Variants in MGAT5B observed in about 807,000 individuals in gnomAD.
The protein encoded by MGAT5B is alpha-1,6-mannosylglycoprotein 6-beta-N-acetylglucosaminyltransferase B.
MGAT5B carries 54 observed loss-of-function variants against 95.1 expected under a neutral mutation model. The observed-to-expected ratio is 0.57, with a 90% CI of 0.46 to 0.71. The LOEUF (loss-of-function observed/expected upper bound fraction) is 0.71. Ranked by LOEUF, MGAT5B falls within the 30% of genes least tolerant of loss-of-function variation. MGAT5B has a pLI of 0.00. For synonymous variants in MGAT5B, 464 were observed against 451.0 expected, an observed-to-expected ratio of 1.03 and a Z score of -0.36; for missense variants, 935 against 1,088.6, an observed-to-expected ratio of 0.86 and a Z score of 1.99.
chr17:76,881,167 G>A (rs1029826064), intron 2 of MGAT5B, among the ~76,000 whole-genome samples: 1 of 152,164 alleles, frequency 6.6e-6, no homozygotes, highest in Non-Finnish European at 1.5e-5. Context: ...ACTCGCTCCC[G>A]CACACTGGCA....
intron 3 of MGAT5B, among the ~76,000 whole-genome samples, chr17:76,894,642 T>C (rs1968001321): frequency 6.6e-6 from 1 of 151,918 alleles, no homozygotes; most frequent in Admixed American, 6.6e-5. Flanking sequence ...GATCACAAGA[T>C]CAGGAGTTCA....
At chr17:76,890,778 C>T (rs1967833623) in intron 3 of MGAT5B, among the ~76,000 whole-genome samples, 1 of 152,140 alleles carries the variant, frequency 6.6e-6, no homozygotes, top group Admixed American at 6.5e-5. Flanking sequence ...ACTTGGATTA[C>T]AGGTGTGAGT....
At position 76,947,953 on chromosome 17, in the gene MGAT5B, TGGCCCCCCGCGCACGCCCTGCG is replaced by T; in HGVS notation, c.2052_2073del (p.Pro685GlyfsTer18). 6.2e-7 allele frequency: 1 copy of T among 1,612,454 alleles called. No homozygotes were observed. The highest frequency in any genetic ancestry group is 8.5e-7 in the Non-Finnish European group (1 of 1,179,250). On this transcript the variant is annotated frameshift_variant, in exon 17 of 18. Transcript: ENST00000569840. LOFTEE classifies it high-confidence loss of function. ...GAACACCAGCTTGGCTCCTGGGGCC[TGGCCCCCCGCGCACGCCCTGCG>T]GGCCTGGCTGGCCGTGCCTGGGAGG...
chr17:76,869,299 G>C lies in MGAT5B; in HGVS notation c.68+202G>C, dbSNP rs991547875. 2.0e-5 allele frequency among the ~76,000 whole-genome samples: 3 copies of C among 152,012 alleles called. No individual in the cohort carries two copies. The highest frequency in any genetic ancestry group is 6.5e-5 in the Admixed American group (1 of 15,268). ...GGATGGGGAGGGTTGTGTTATTCGG[G>C]GACCTGTCCCGAGTTGGGCAGGGTT... On this transcript the variant is annotated intron_variant, in intron 1 of 17. Transcript: ENST00000569840. The surrounding 1 kb of genome is among the most constrained non-coding windows in gnomAD (Gnocchi z 7.0).
At position 76,887,348 on chromosome 17, in the gene MGAT5B, T is replaced by C. The variant is rs720079; in HGVS notation, c.329+5050T>C. Among the ~76,000 whole-genome samples the C allele has an allele frequency of 4.8e-3, 727 of 152,144 alleles. 2 individuals carry two copies. The highest frequency in any genetic ancestry group is 7.7e-3 in the Admixed American group (118 of 15,274). On this transcript the variant is annotated intron_variant, in intron 3 of 17. Coordinates refer to ENST00000569840, the MANE Select transcript of MGAT5B (RefSeq NM_001199172.2). ...TCAGCAAATTCTCCCACCTTCAGAA[T>C]ACGCCTTAGAAGCCCACCTCTTCTC...
At chr17:76,913,759 C>G (rs759505982) in intron 8 of MGAT5B, 1 of 485,556 alleles carries the variant, frequency 2.1e-6, no homozygotes. Flanking sequence ...ATGTGGCCAG[C>G]AACACATTGC....
At chr17:76,943,628 G>GT (rs1969937161) in intron 15 of MGAT5B, among the ~76,000 whole-genome samples, 1 of 65,030 alleles carries the variant, frequency 1.5e-5, no homozygotes, top group African/African-American at 6.0e-5. Context: ...TGGGGTGGGG[G>GT]GGGGGTCTCA....
In MGAT5B at chr17:76,940,706, A is replaced by C. The variant is rs1185489556; in HGVS notation, c.1732-26A>C. ...TGTCCCACTGGCAGGCACGGGGGGCATCTGCAATCTCTGTACCCTTGCCAG... is the reference window on the plus strand; with the variant it reads ...TGTCCCACTGGCAGGCACGGGGGGCCTCTGCAATCTCTGTACCCTTGCCAG... On this transcript the variant is annotated intron_variant, in intron 14 of 17. Transcript: ENST00000569840. This position sits in a 1 kb window ranked among gnomAD's most constrained non-coding sequence, Gnocchi z 4.3. 1 of 1,610,638 alleles carries C rather than the reference A, an allele frequency of 6.2e-7. No homozygotes were observed. The highest frequency in any genetic ancestry group is 8.5e-7 in the Non-Finnish European group (1 of 1,177,104).
Position 76,940,323 on chromosome 17 carries a change from C to T in MGAT5B, c.1585-79C>T, listed in dbSNP as rs1428389694. 1.4e-6 allele frequency: 2 copies of T among 1,472,682 alleles called. No homozygotes were observed. Among genetic ancestry groups the T allele is most frequent in the African/African-American group, 1.4e-5 (1 of 70,682 alleles). 91.2% of individuals were successfully genotyped at this position (1,472,682 alleles called of 1,614,324 possible). A position where few individuals can be genotyped will look rare whatever the true frequency, so the allele number is the denominator to read the frequency against. On this transcript the variant is annotated intron_variant, in intron 13 of 17. Transcript: ENST00000569840. The surrounding 1 kb of genome is among the most constrained non-coding windows in gnomAD (Gnocchi z 4.3). ...CTCCTGTGAATATCCCGAAGCCTCA[C>T]CTTGTCCCCGGCATCCTGGTGCTTA... is the stretch of plus-strand genomic sequence containing the variant.
At chr17:76,931,895 C>T (rs138887561) in intron 10 of MGAT5B, among the ~76,000 whole-genome samples, 8 of 152,228 alleles carry the variant, frequency 5.3e-5, no homozygotes, top group African/African-American at 9.6e-5. Flanking sequence ...CTTGGGGCTC[C>T]AGGGACTGTG....
chr17:76,932,298 GATTTTTAA>G (rs897339265), intron 10 of MGAT5B, among the ~76,000 whole-genome samples: 15 of 151,992 alleles, frequency 9.9e-5, no homozygotes, highest in Admixed American at 7.9e-4. Flanking sequence ...ATGCCTGGCT[GATTTTTAA>G]ATTTTTAAAT....
chr17:76,891,228 C>T (rs1039382012), intron 3 of MGAT5B, among the ~76,000 whole-genome samples: 1 of 151,854 alleles, frequency 6.6e-6, no homozygotes, highest in African/African-American at 2.4e-5. Flanking sequence ...GCCTCTCAAA[C>T]TGCTGGGATT....
At chr17:76,882,038 G>A in intron 2 of MGAT5B, 113 bp from the exon 3 acceptor site, 1 of 1,121,538 alleles carries the variant, frequency 8.9e-7, no homozygotes, top group Non-Finnish European at 1.2e-6. Flanking sequence ...TCTGGTGTTG[G>A]TTGGTGCTGG....
At chr17:76,886,870 C>G (rs1821698156) in intron 3 of MGAT5B, among the ~76,000 whole-genome samples, 1 of 152,118 alleles carries the variant, frequency 6.6e-6, no homozygotes, top group African/African-American at 2.4e-5. Flanking sequence ...ATGATGAAAC[C>G]CCGTCTCTAC....
chr17:76,887,486 C>T (rs1598905982), intron 3 of MGAT5B, among the ~76,000 whole-genome samples: 1 of 98,556 alleles, frequency 1.0e-5, no homozygotes, highest in African/African-American at 4.2e-5. Context: ...TCCCTCCCTC[C>T]CTCCCTCCCT....
chr17:76,907,352 G>T (rs891489650), intron 8 of MGAT5B, among the ~76,000 whole-genome samples: 5 of 152,122 alleles, frequency 3.3e-5, no homozygotes, highest in Admixed American at 6.6e-5. Flanking sequence ...CACCCAGCCT[G>T]CTTTTGTAAA....
At chr17:76,919,591 G>A (rs567192737) in intron 8 of MGAT5B, among the ~76,000 whole-genome samples, 3 of 152,204 alleles carry the variant, frequency 2.0e-5, no homozygotes, top group Admixed American at 6.5e-5. Flanking sequence ...CACCATGCCC[G>A]GCTAATTTTT....
At chr17:76,883,681 T>A (rs1967514874) in intron 3 of MGAT5B, among the ~76,000 whole-genome samples, 1 of 152,244 alleles carries the variant, frequency 6.6e-6, no homozygotes, top group South Asian at 2.1e-4. Flanking sequence ...TTTGTGAAAT[T>A]GATTTGCTAA....
At chr17:76,927,599 G>A (rs541732618) in intron 10 of MGAT5B, among the ~76,000 whole-genome samples, 62 of 152,280 alleles carry the variant, frequency 4.1e-4, no homozygotes, top group African/African-American at 1.5e-3. Context: ...CCTGTTAAAC[G>A]CAGCTCACTG....
Sources: gnomAD v4.1 joint callset for allele counts (sites outside exome capture counted in the v4.1 genomes callset) on GRCh38, gnomAD v4.1.1 for gene constraint, Gnocchi (gnomAD v3.1) non-coding constraint, MANE v1.5 for transcripts, NCBI Gene and HGNC (gene_info 2026-07-23, HGNC 2026-07-21) for gene names.